The following PCSK5 variants were observed in gnomAD, a reference collection of about 807,000 sequenced individuals.
PCSK5 encodes prohormone convertase 5.
A neutral mutation model predicts 233.2 loss-of-function variants in PCSK5; 129 were observed. The observed-to-expected ratio is 0.55, with a 90% CI of 0.48 to 0.64. The LOEUF is 0.64. Ranked by LOEUF, PCSK5 falls within the 30% of genes least tolerant of loss-of-function variation. The pLI is 0.00. For missense variants in PCSK5, 2,076 were observed against 2,430.1 expected (o/e 0.85, Z 3.06); for synonymous variants, 825 against 879.2 (o/e 0.94, Z 1.09).
intron 3 of PCSK5, among the ~76,000 whole-genome samples, chr9:76,011,228 A>T (rs993087819): frequency 6.6e-6 from 1 of 152,176 alleles, no homozygotes; most frequent in African/African-American, 2.4e-5. Flanking sequence ...CGAAGAGGCA[A>T]TCTTCTCTGT....
intron 3 of PCSK5, 78 bp from the exon 4 acceptor site, chr9:76,023,660 C>G: frequency 7.6e-7 from 1 of 1,309,200 alleles, no homozygotes; most frequent in Non-Finnish European, 1.0e-6. Flanking sequence ...AAAAAAAAAA[C>G]AAAAGAAAGA....
intron 20 of PCSK5, among the ~76,000 whole-genome samples, chr9:76,206,965 T>G (rs990326325): frequency 1.3e-5 from 2 of 152,114 alleles, no homozygotes; most frequent in African/African-American, 2.4e-5. Context: ...GAATCCATTT[T>G]CTTGTTTTTT....
chr9:76,078,511 C>T (rs1291629335), intron 7 of PCSK5, among the ~76,000 whole-genome samples: 1 of 152,150 alleles, frequency 6.6e-6, no homozygotes, highest in African/African-American at 2.4e-5. Flanking sequence ...CCAGTTATCC[C>T]AGCACTATTT....
intron 7 of PCSK5, among the ~76,000 whole-genome samples, chr9:76,090,875 C>G (rs758705063): frequency 6.6e-6 from 1 of 152,026 alleles, no homozygotes; most frequent in Non-Finnish European, 1.5e-5. Flanking sequence ...GCTAAATGGT[C>G]CCATCTGGGG....
chr9:76,280,414 A>ATC, intron 24 of PCSK5, among the ~76,000 whole-genome samples: 1 of 152,174 alleles, frequency 6.6e-6, no homozygotes, highest in African/African-American at 2.4e-5. Context: ...CAAAAGCTTA[A>ATC]AATTGATTAA....
Position 76,165,394 on chromosome 9 carries a change from A to G in PCSK5, c.1620-4310A>G, listed in dbSNP as rs111856390. Among the ~76,000 whole-genome samples the G allele has an allele frequency of 5.9e-5, 9 of 152,354 alleles. 1 individual carries two copies. Among genetic ancestry groups the G allele is most frequent in the Middle Eastern group, 3.4e-3 (1 of 294 alleles). On this transcript the variant is annotated intron_variant, in intron 12 of 37. Transcript: ENST00000674117. ...TAAAACATCTTGTTATTTAGTTGCC[A>G]TAACATCACAGAAGAATGCTGTGGC...
chr9:76,336,633 G>C (rs570357096), intron 34 of PCSK5, among the ~76,000 whole-genome samples: 99 of 152,198 alleles, frequency 6.5e-4, no homozygotes, highest in African/African-American at 2.3e-3. Context: ...GTAAAATAAG[G>C]ATAATAATAC....
At chr9:76,134,021 A>C in intron 9 of PCSK5, 88 bp from the exon 10 acceptor site, 1 of 870,682 alleles carries the variant, frequency 1.1e-6, no homozygotes, top group South Asian at 1.5e-5. Flanking sequence ...TGCCATTTTG[A>C]TTTTGCTTTT....
At chr9:75,896,503 G>A (rs1343700935) in intron 1 of PCSK5, among the ~76,000 whole-genome samples, 1 of 152,146 alleles carries the variant, frequency 6.6e-6, no homozygotes, top group Non-Finnish European at 1.5e-5. Context: ...CCCTGGGCAG[G>A]GAGGGATATT....
intron 3 of PCSK5, 148 bp from the exon 4 acceptor site, chr9:76,023,590 A>T: frequency 4.9e-6 from 3 of 610,748 alleles, no homozygotes; most frequent in East Asian, 5.7e-5. Flanking sequence ...CCATAAGCCC[A>T]GGAGTTTGAG....
intron 10 of PCSK5, among the ~76,000 whole-genome samples, chr9:76,147,635 G>A (rs1048304107): frequency 6.6e-6 from 1 of 152,184 alleles, no homozygotes; most frequent in African/African-American, 2.4e-5. Context: ...CGATACACAT[G>A]CAAGTTTGAG....
At chr9:75,980,611 ATTT>A (rs200067242) in intron 2 of PCSK5, among the ~76,000 whole-genome samples, 1 of 152,162 alleles carries the variant, frequency 6.6e-6, no homozygotes, top group South Asian at 2.1e-4. Flanking sequence ...GATCTTAATA[ATTT>A]TTTTCTTTAA....
intron 5 of PCSK5, among the ~76,000 whole-genome samples, chr9:76,060,272 A>C (rs1408019335): frequency 2.0e-5 from 3 of 152,250 alleles, no homozygotes; most frequent in African/African-American, 7.2e-5. Flanking sequence ...AAGCCTTATT[A>C]ATAAAAATAA....
chr9:75,923,461 A>AG (rs1481497781), intron 1 of PCSK5, among the ~76,000 whole-genome samples: 1 of 152,078 alleles, frequency 6.6e-6, no homozygotes, highest in Non-Finnish European at 1.5e-5. Context: ...CATGTGAAAA[A>AG]AAGTGCTTAG....
At chr9:76,020,481 G>A (rs768548215) in intron 3 of PCSK5, among the ~76,000 whole-genome samples, 2 of 152,130 alleles carry the variant, frequency 1.3e-5, no homozygotes, top group South Asian at 4.1e-4. Flanking sequence ...ACTCACATTT[G>A]CAAAAGACAC....
At chr9:76,303,859 C>T (rs541088168) in intron 28 of PCSK5, among the ~76,000 whole-genome samples, 5 of 152,280 alleles carry the variant, frequency 3.3e-5, no homozygotes, top group African/African-American at 1.2e-4. Context: ...AGTCAATCAT[C>T]AGCTTTAATT....
rs1402291436 is a variant in PCSK5 at position 76,331,361 on chromosome 9, T to A, written c.4571-1072T>A. Among the ~76,000 whole-genome samples, 7 of 151,952 alleles carry A rather than the reference T, an allele frequency of 4.6e-5. No individual in the cohort carries two copies. The South Asian group carries it at 1.5e-3, about 32-fold the overall frequency. The stretch of plus-strand genomic sequence containing the variant: ...CGTAGACCCAATGCCATCACAAGGG[T>A]CTGATAAGAGAGATGCCGGGGGTGG... On this transcript the variant is annotated intron_variant, in intron 33 of 37. Transcript: ENST00000674117.
chr9:76,226,050 A>T (rs1183618049), intron 20 of PCSK5, among the ~76,000 whole-genome samples: 2 of 152,192 alleles, frequency 1.3e-5, no homozygotes. Flanking sequence ...TCACAGTCCC[A>T]TTCCCATTCT....
chr9:75,978,059 A>C (rs1041305783), intron 2 of PCSK5, among the ~76,000 whole-genome samples: 2 of 152,160 alleles, frequency 1.3e-5, no homozygotes, highest in Middle Eastern at 3.2e-3. Flanking sequence ...GCTACCATCT[A>C]TCTGTTGTTG....
Sources: allele counts gnomAD v4.1 joint callset (sites outside exome capture counted in the v4.1 genomes callset), GRCh38; gene constraint gnomAD v4.1.1; transcripts MANE v1.5; gene names NCBI Gene and HGNC (gene_info 2026-07-23, HGNC 2026-07-21).